The following BSN variants were observed in gnomAD, a reference collection of about 807,000 sequenced individuals.
The protein encoded by BSN is bassoon presynaptic cytomatrix protein.
BSN carries 57 observed loss-of-function variants against 264.8 expected under a neutral mutation model. That is an observed-to-expected ratio of 0.22 (90% CI 0.17 to 0.27). The LOEUF (loss-of-function observed/expected upper bound fraction) is 0.27, where lower values mean the gene tolerates loss of function less well. Ranked by LOEUF, BSN falls within the 10% of genes least tolerant of loss-of-function variation. The probability of loss-of-function intolerance (pLI) is 1.00; values close to 1 mark genes in which losing one functional copy is unlikely to be tolerated. For synonymous variants in BSN, 2,059 were observed against 2,137.3 expected, an observed-to-expected ratio of 0.96 and a Z score of 1.01; for missense variants, 4,615 against 5,232.5, an observed-to-expected ratio of 0.88 and a Z score of 3.64.
At chr3:49,581,778 C>T (rs1199493883) in intron 1 of BSN, among the ~76,000 whole-genome samples, 2 of 152,026 alleles carry the variant, frequency 1.3e-5, no homozygotes, top group East Asian at 1.9e-4. Context: ...GAGCCGAAAT[C>T]GCGCCACTGC....
intron 1 of BSN, among the ~76,000 whole-genome samples, chr3:49,613,815 A>C (rs1260871034): frequency 6.6e-6 from 1 of 151,862 alleles, no homozygotes; most frequent in African/African-American, 2.4e-5. Flanking sequence ...GCTGTAGTTC[A>C]AGTGTAAAGG....
intron 1 of BSN, among the ~76,000 whole-genome samples, chr3:49,563,067 C>G (rs557284718): frequency 6.6e-6 from 1 of 152,286 alleles, no homozygotes; most frequent in Admixed American, 6.5e-5. Context: ...GCATAGAAAA[C>G]AAGGTCTAAA....
chr3:49,659,802 G>A (rs1019745299), intron 5 of BSN, among the ~76,000 whole-genome samples: 11 of 152,170 alleles, frequency 7.2e-5, no homozygotes, highest in African/African-American at 2.2e-4. Flanking sequence ...GAGAACAGCA[G>A]GTTGACCGAG....
Position 49,660,965 on chromosome 3 carries a change from T to G in BSN, c.9120T>G (p.Ala3040=). 1 of 1,611,884 alleles carries G rather than the reference T, an allele frequency of 6.2e-7. No homozygotes were observed. The highest frequency in any genetic ancestry group is 8.5e-7 in the Non-Finnish European group (1 of 1,179,998). ...GQFVDFPATA[A]APATPSGPTA... is the part of the protein sequence containing the mutation. ...TTGTGGACTTCCCTGCCACTGCCGC[T>G]GCTCCTGCCACCCCCTCTGGTCCCA... The change falls in exon 6 of 12, where the codon GCT becomes GCG. Residue 3040 remains alanine, a synonymous_variant. Transcript: ENST00000296452. The surrounding 1 kb of genome is among the most constrained non-coding windows in gnomAD (Gnocchi z 7.1).
At chr3:49,606,714 T>C (rs2052155500) in intron 1 of BSN, among the ~76,000 whole-genome samples, 1 of 152,074 alleles carries the variant, frequency 6.6e-6, no homozygotes, top group Non-Finnish European at 1.5e-5. Flanking sequence ...ATTCACATCC[T>C]CCATCCCAGG....
chr3:49,665,015 G>A (rs2052701743), intron 10 of BSN, among the ~76,000 whole-genome samples, 162 bp downstream of exon 10: 1 of 152,084 alleles, frequency 6.6e-6, no homozygotes. Flanking sequence ...TGTGGGAGGA[G>A]AAAAAGGAGG....
Position 49,655,226 on chromosome 3 carries a change from C to G in BSN, c.5670C>G (p.Thr1890=). The change falls in exon 5 of 12, where the codon ACC becomes ACG. Residue 1890 remains threonine, a synonymous_variant. Coordinates refer to ENST00000296452, the MANE Select transcript of BSN (RefSeq NM_003458.4). ...PEEPAGALDL[T]GMRPESQLAC... ...AGCCTGCGGGTGCCCTGGACCTTAC[C>G]GGGATGAGGCCTGAGAGCCAGCTGG... The G allele has an allele frequency of 6.2e-7, 1 of 1,613,058 alleles. No homozygotes were observed. Among genetic ancestry groups the G allele is most frequent in the African/African-American group, 1.3e-5 (1 of 75,066 alleles).
In BSN at chr3:49,642,307, G is replaced by T; in HGVS notation, c.673G>T (p.Ala225Ser). The T allele has an allele frequency of 6.4e-7, 1 of 1,573,216 alleles. No homozygotes were observed. The highest frequency in any genetic ancestry group is 8.6e-7 in the Non-Finnish European group (1 of 1,162,156). The change falls in exon 3 of 12, where the codon GCT becomes TCT. Residue 225 changes from alanine to serine, a missense_variant. Transcript: ENST00000296452. This position sits in a 1 kb window ranked among gnomAD's most constrained non-coding sequence, Gnocchi z 7.0. The stretch of plus-strand genomic sequence containing the variant: ...CTGTCTGAACTGTCAGATGCAGAGG[G>T]CTCTGGGAATGGACATGACCACTGC... ...WLCLNCQMQR[A>S]LGMDMTTAPR... is the part of the protein sequence containing the mutation.
intron 1 of BSN, among the ~76,000 whole-genome samples, chr3:49,615,831 G>C (rs549704610): frequency 6.6e-6 from 1 of 152,296 alleles, no homozygotes; most frequent in East Asian, 1.9e-4. Flanking sequence ...TGGAGGGTAG[G>C]ACTGAATCTG....
At chr3:49,633,520 AG>A (rs2052397352) in intron 2 of BSN, among the ~76,000 whole-genome samples, 1 of 152,180 alleles carries the variant, frequency 6.6e-6, no homozygotes, top group Non-Finnish European at 1.5e-5. Flanking sequence ...ACAGTATGGC[AG>A]TTCCTCAAAA....
At chr3:49,605,396 ATATT>A (rs1432954573) in intron 1 of BSN, among the ~76,000 whole-genome samples, 2 of 49,190 alleles carry the variant, frequency 4.1e-5, no homozygotes, top group Non-Finnish European at 7.0e-5. Flanking sequence ...TATATTTTAT[ATATT>A]TATATAATTT....
Position 49,653,219 on chromosome 3 carries a change from C to T in BSN, c.3663C>T (p.Pro1221=), listed in dbSNP as rs1464427056. ...GCGGCCCCTCTCAGCCCACAGGCCCCCGGGGCCTGGGCTCCTTCGAATATC... is the reference window on the plus strand; with the variant it reads ...GCGGCCCCTCTCAGCCCACAGGCCCTCGGGGCCTGGGCTCCTTCGAATATC... ...PHGGPSQPTG[P]RGLGSFEYQD... The change falls in exon 5 of 12, where the codon CCC becomes CCT. Residue 1221 remains proline (P), a synonymous_variant. Coordinates refer to ENST00000296452, the MANE Select transcript of BSN (RefSeq NM_003458.4). This position sits in a 1 kb window ranked among gnomAD's most constrained non-coding sequence, Gnocchi z 6.3. 1 of 1,611,852 alleles carries T rather than the reference C, an allele frequency of 6.2e-7. No individual in the cohort carries two copies. Among genetic ancestry groups the T allele is most frequent in the Non-Finnish European group, 8.5e-7 (1 of 1,179,656 alleles).
chr3:49,581,147 A>T (rs1356472741), intron 1 of BSN, among the ~76,000 whole-genome samples: 1 of 151,936 alleles, frequency 6.6e-6, no homozygotes, highest in Non-Finnish European at 1.5e-5. Flanking sequence ...ATGCCAGGCT[A>T]ATTTTTGTAT....
In BSN at chr3:49,642,518, C is replaced by A; in HGVS notation, c.884C>A (p.Ala295Asp). ...GTGCCGGGGCCTGCCCAAGCAGCTG[C>A]CCCTCCAGAGGTGGGGAGGGTGTCT... is the stretch of plus-strand genomic sequence containing the variant. ...TSVPGPAQAAAPPEVGRVSPQ... is the reference protein window; with the variant it reads ...TSVPGPAQAADPPEVGRVSPQ... The change falls in exon 3 of 12, where the codon GCC (alanine) becomes GAC (aspartate). Residue 295 changes from alanine (A) to aspartate (D), a missense_variant. By Grantham distance (126) the Ala-to-Asp change is moderately radical. This residue lies in a region of BSN where 1,197 missense variants were observed against 1,348.0 expected (regional missense o/e 0.89). Coordinates refer to ENST00000296452, the MANE Select transcript of BSN (RefSeq NM_003458.4). This position sits in a 1 kb window ranked among gnomAD's most constrained non-coding sequence, Gnocchi z 7.0. The A allele has an allele frequency of 6.3e-7, 1 of 1,575,398 alleles. No individual in the cohort carries two copies. The highest frequency in any genetic ancestry group is 8.6e-7 in the Non-Finnish European group (1 of 1,159,852).
At chr3:49,666,308 T>C (rs1011722714) in intron 11 of BSN, among the ~76,000 whole-genome samples, 1 of 152,170 alleles carries the variant, frequency 6.6e-6, no homozygotes, top group African/African-American at 2.4e-5. Context: ...ACAGGCTACC[T>C]TTCTCTGGAA....
In BSN at chr3:49,625,397, C is replaced by T. The variant is rs368358300; in HGVS notation, c.633+14C>T. 1.3e-5 allele frequency: 19 copies of T among 1,457,562 alleles called. No homozygotes were observed. Among genetic ancestry groups the T allele is most frequent in the Admixed American group, 5.2e-5 (2 of 38,520 alleles). 90.3% of individuals were successfully genotyped at this position (1,457,562 alleles called of 1,614,324 possible). ...CATCTCACCCAGGTAACCACTTCTGCGCCGGCTCCCCACTCACCTGCTACC... is the reference window on the plus strand; with the variant it reads ...CATCTCACCCAGGTAACCACTTCTGTGCCGGCTCCCCACTCACCTGCTACC... On this transcript the variant is annotated intron_variant, in intron 2 of 11. Transcript: ENST00000296452. This position sits in a 1 kb window ranked among gnomAD's most constrained non-coding sequence, Gnocchi z 4.4.
chr3:49,619,313 G>A (rs2052285148), intron 1 of BSN, among the ~76,000 whole-genome samples: 1 of 152,224 alleles, frequency 6.6e-6, no homozygotes, highest in Non-Finnish European at 1.5e-5. Context: ...TAAGGATATA[G>A]TGGGGAGCAA....
intron 2 of BSN, among the ~76,000 whole-genome samples, chr3:49,628,165 C>A (rs2052356868): frequency 6.6e-6 from 1 of 152,224 alleles, no homozygotes; most frequent in African/African-American, 2.4e-5. Flanking sequence ...TGAAATGTGA[C>A]CGCAGAAAAT....
At chr3:49,565,443 C>T (rs1395632231) in intron 1 of BSN, among the ~76,000 whole-genome samples, 3 of 151,706 alleles carry the variant, frequency 2.0e-5, no homozygotes, top group Non-Finnish European at 4.4e-5. Flanking sequence ...GCCTCAGCCT[C>T]CGGAGTAGCT....
Sources: gnomAD v4.1 joint callset for allele counts (sites outside exome capture counted in the v4.1 genomes callset) on GRCh38, gnomAD v4.1.1 for gene constraint, gnomAD v4.1.1 regional missense constraint, Gnocchi (gnomAD v3.1) non-coding constraint, MANE v1.5 for transcripts, NCBI Gene and HGNC (gene_info 2026-07-23, HGNC 2026-07-21) for gene names.